Variants in TMEM165 observed in about 807,000 individuals in gnomAD.
TMEM165 encodes putative divalent cation/proton antiporter TMEM165.
TMEM165 carries 19 observed loss-of-function variants against 30.0 expected under a neutral mutation model. That is an observed-to-expected ratio of 0.63 (90% CI 0.44 to 0.93). The LOEUF is 0.93. Ranked by LOEUF, TMEM165 falls within the 40% of genes least tolerant of loss-of-function variation. The pLI, the probability that TMEM165 is intolerant of heterozygous loss-of-function variation, is 0.00. For missense variants in TMEM165, 340 were observed against 417.0 expected, an observed-to-expected ratio of 0.82 and a Z score of 1.61; for synonymous variants, 168 against 162.9, an observed-to-expected ratio of 1.03 and a Z score of -0.24.
Position 55,405,306 on chromosome 4 carries a change from A to G in TMEM165, c.208-6308A>G, listed in dbSNP as rs539625339. 3.9e-5 allele frequency among the ~76,000 whole-genome samples: 6 copies of G among 152,328 alleles called. No homozygotes were observed. In the South Asian group the frequency reaches 1.2e-3, roughly 32 times the overall value. Reference sequence around the variant, plus strand: ...GTGTTGTTTCATTATAACATTGATGAGAAAAGAAAGTTGGTTTTCTTTTAC... The same window carrying G: ...GTGTTGTTTCATTATAACATTGATGGGAAAAGAAAGTTGGTTTTCTTTTAC... On this transcript the variant is annotated intron_variant, in intron 1 of 5. Transcript: ENST00000381334.
chr4:55,435,453 C>G (rs948527675), intron 3 of TMEM165: 1 of 1,614,038 alleles, frequency 6.2e-7, no homozygotes, highest in African/African-American at 1.3e-5. Context: ...GGCAAGCTGT[C>G]AGTCCTGTGC....
intron 1 of TMEM165, among the ~76,000 whole-genome samples, chr4:55,404,807 C>T (rs1459952035): frequency 3.3e-5 from 5 of 152,174 alleles, no homozygotes; most frequent in Admixed American, 2.0e-4. Context: ...TCATTTGACA[C>T]TGTTAATTCT....
At chr4:55,427,438 G>GTT (rs1722270187), downstream of TMEM165, among the ~76,000 whole-genome samples, 1 of 151,732 alleles carries the variant, frequency 6.6e-6, no homozygotes, top group Non-Finnish European at 1.5e-5. Flanking sequence ...TGCCTCCTGA[G>GTT]TTCAAGCAGT....
chr4:55,403,492 C>CTTTTTTTTTTT (rs71664292), intron 1 of TMEM165, among the ~76,000 whole-genome samples: 11 of 124,474 alleles, frequency 8.8e-5, no homozygotes, highest in Admixed American at 1.6e-4. Context: ...GTGCCTTTTT[C>CTTTTTTTTTTT]TTTTTCTTTT....
chr4:55,421,932 T>G (rs1264399112), intron 4 of TMEM165, among the ~76,000 whole-genome samples: 1 of 152,172 alleles, frequency 6.6e-6, no homozygotes, highest in Non-Finnish European at 1.5e-5. Flanking sequence ...AAAAAGCCCC[T>G]TTTCTCAATT....
intron 3 of TMEM165, among the ~76,000 whole-genome samples, chr4:55,450,976 A>G (rs1057480686): frequency 2.0e-5 from 3 of 152,000 alleles, no homozygotes; most frequent in Non-Finnish European, 2.9e-5. Flanking sequence ...CCCTTCACCA[A>G]TGTTTCTTTC....
At chr4:55,401,869 C>T (rs906755391) in intron 1 of TMEM165, among the ~76,000 whole-genome samples, 2 of 150,096 alleles carry the variant, frequency 1.3e-5, no homozygotes, top group Non-Finnish European at 2.9e-5. Flanking sequence ...GTAATCCCTC[C>T]ACTTTGGGAG....
At chr4:55,417,030 A>G (rs768874865) in intron 2 of TMEM165, 42 bp from the exon 3 acceptor site, 2 of 1,514,026 alleles carry the variant, frequency 1.3e-6, no homozygotes, top group Non-Finnish European at 1.8e-6. Flanking sequence ...CTTGGTCGTG[A>G]TACACACTCG....
intron 3 of TMEM165, chr4:55,450,097 G>T: frequency 6.2e-7 from 1 of 1,614,056 alleles, no homozygotes; most frequent in Non-Finnish European, 8.5e-7. Context: ...TCACAGGAAG[G>T]GTCTGAGACG....
chr4:55,424,920 A>C (rs1722128763), intron 5 of TMEM165: 3 of 406,752 alleles, frequency 7.4e-6, no homozygotes, highest in South Asian at 6.1e-5. Context: ...AAGTATGAGA[A>C]GTTTTTGGCT....
intron 1 of TMEM165, among the ~76,000 whole-genome samples, chr4:55,400,161 TTATATATATAA>T (rs1720893111): frequency 7.7e-6 from 1 of 130,032 alleles, no homozygotes; most frequent in African/African-American, 3.0e-5. Flanking sequence ...TGTTTTTATT[TTATATATATAA>T]TATATATAAA....
intron 4 of TMEM165, chr4:55,422,998 ATAG>A (rs1722047271): frequency 1.3e-5 from 2 of 152,178 alleles, no homozygotes; most frequent in Non-Finnish European, 2.9e-5. Flanking sequence ...AATTTGTAGC[ATAG>A]TAGTGTGATC....
At chr4:55,411,013 T>C (rs1721472052) in intron 1 of TMEM165, among the ~76,000 whole-genome samples, 1 of 151,550 alleles carries the variant, frequency 6.6e-6, no homozygotes, top group African/African-American at 2.4e-5. Context: ...TGCATACCTA[T>C]AATCCCAGCT....
At position 55,411,627 on chromosome 4, in the gene TMEM165, C is replaced by T. The variant is rs776843209; in HGVS notation, c.221C>T (p.Pro74Leu). The change falls in exon 2 of 6, where the codon CCA (proline) becomes CTA (leucine). Residue 74 changes from proline (P) to leucine (L), a missense_variant. This residue lies in a region of TMEM165 where 120 missense variants were observed against 109.4 expected (regional missense o/e 1.10). Transcript: ENST00000381334. The stretch of plus-strand genomic sequence containing the variant: ...TTTTTTTTCCAGAAAATATTTACAC[C>T]AGCAGCTCCAGTTCATACCAATAAA... ...EPARVEKIFT[P>L]AAPVHTNKED... 1.9e-6 allele frequency: 3 copies of T among 1,610,612 alleles called. No individual in the cohort carries two copies. In the East Asian group the frequency reaches 6.7e-5, roughly 36 times the overall value.
chr4:55,400,041 C>T (rs1486143910), intron 1 of TMEM165, among the ~76,000 whole-genome samples: 2 of 139,938 alleles, frequency 1.4e-5, no homozygotes, highest in Non-Finnish European at 3.0e-5. Flanking sequence ...GACAGGGTCT[C>T]ACTATGTTGC....
At chr4:55,443,767 G>C (rs1723562511) in intron 3 of TMEM165, 1 of 1,614,064 alleles carries the variant, frequency 6.2e-7, no homozygotes, top group African/African-American at 1.3e-5. Flanking sequence ...ATTCCACTTT[G>C]AATCTGGTTA....
At chr4:55,449,152 A>G (rs966698584) in intron 3 of TMEM165, among the ~76,000 whole-genome samples, 12 of 142,552 alleles carry the variant, frequency 8.4e-5, no homozygotes, top group Admixed American at 1.5e-4. Flanking sequence ...ACAGCTATCA[A>G]TTTTGAGCTT....
chr4:55,417,396 G>A, intron 3 of TMEM165, 149 bp downstream of exon 3: 1 of 791,476 alleles, frequency 1.3e-6, no homozygotes, highest in Non-Finnish European at 1.9e-6. Flanking sequence ...ATACCTGTCT[G>A]TGATCTGACT....
intron 3 of TMEM165, chr4:55,434,523 T>C (rs1254109255): frequency 1.3e-5 from 2 of 152,454 alleles, no homozygotes; most frequent in Admixed American, 6.6e-5. Flanking sequence ...TCAAACATAA[T>C]TGAAAAATAA....
Sources: allele counts gnomAD v4.1 joint callset (sites outside exome capture counted in the v4.1 genomes callset), GRCh38; gene constraint gnomAD v4.1.1; regional missense constraint gnomAD v4.1.1; transcripts MANE v1.5; gene names NCBI Gene and HGNC (gene_info 2026-07-23, HGNC 2026-07-21).